CDHR3: variants seen among roughly 807,000 people sequenced by gnomAD.
CDHR3 encodes cadherin related family member 3.
In CDHR3, 79 loss-of-function variants were observed where a neutral mutation model predicts 86.6. That is an observed-to-expected ratio of 0.91 (90% confidence interval 0.76 to 1.10). The LOEUF is 1.10. Ranked by LOEUF, CDHR3 falls within the 50% of genes least tolerant of loss-of-function variation. The pLI is 0.00. For synonymous variants in CDHR3, 421 were observed against 402.4 expected, an observed-to-expected ratio of 1.05 and a Z score of -0.55; for missense variants, 1,081 against 1,077.6, an observed-to-expected ratio of 1.00 and a Z score of -0.04.
intron 4 of CDHR3, 95 bp from the exon 5 acceptor site, chr7:105,994,656 G>A: frequency 1.2e-6 from 1 of 860,034 alleles, no homozygotes; most frequent in East Asian, 2.6e-5. Context: ...CGTTCCATGG[G>A]CTAAGAACAT....
intron 1 of CDHR3, 29 bp from the exon 2 acceptor site, chr7:105,974,815 T>C: frequency 6.3e-7 from 1 of 1,586,256 alleles, no homozygotes; most frequent in Non-Finnish European, 8.6e-7. Flanking sequence ...TTTGTGTTCA[T>C]GTCATCCTGC....
chr7:105,969,074 C>T (rs1360906497), intron 1 of CDHR3, among the ~76,000 whole-genome samples: 2 of 143,324 alleles, frequency 1.4e-5, no homozygotes, highest in Non-Finnish European at 3.0e-5. Flanking sequence ...GGGGACAGAG[C>T]GAGACTCCGT....
Position 106,018,051 on chromosome 7 carries a change from C to T in CDHR3, c.1632C>T (p.Asn544=), listed in dbSNP as rs753984467. The T allele has an allele frequency of 5.0e-6, 8 of 1,613,656 alleles. No individual in the cohort carries two copies. The highest frequency in any genetic ancestry group is 5.9e-6 in the Non-Finnish European group (7 of 1,179,798). ...TTCTCAGAATCCAGGCCACCAACAA[C>T]GAAGACACAAGCTCTGTCACTGTGA... The part of the protein sequence containing the change: ...IYILRIQATN[N]EDTSSVTVTV... The change falls in exon 12 of 19, where the codon AAC becomes AAT. Residue 544 remains asparagine, a synonymous_variant. Coordinates refer to ENST00000317716, the MANE Select transcript of CDHR3 (RefSeq NM_152750.5).
intron 2 of CDHR3, 74 bp downstream of exon 2, chr7:105,975,120 A>G (rs1246862402): frequency 4.1e-6 from 5 of 1,218,850 alleles, no homozygotes; most frequent in African/African-American, 1.5e-5. Flanking sequence ...ATGGGATGCC[A>G]GATCAGTGAT....
At chr7:106,003,665 G>T (rs1833520651) in intron 7 of CDHR3, among the ~76,000 whole-genome samples, 1 of 152,098 alleles carries the variant, frequency 6.6e-6, no homozygotes, top group Non-Finnish European at 1.5e-5. Flanking sequence ...ACCTTTATAA[G>T]TCCTGATTGC....
intron 17 of CDHR3, among the ~76,000 whole-genome samples, chr7:106,029,566 C>CAA (rs1838021429): frequency 6.6e-6 from 1 of 152,002 alleles, no homozygotes; most frequent in Admixed American, 6.6e-5. Flanking sequence ...CTCTCTCTCT[C>CAA]TCTCTCTCTC....
chr7:105,991,217 A>C (rs1252512704), intron 4 of CDHR3, among the ~76,000 whole-genome samples: 2 of 152,218 alleles, frequency 1.3e-5, no homozygotes, highest in Non-Finnish European at 2.9e-5. Flanking sequence ...GCCTTTAAAA[A>C]GGGGGAGAAA....
chr7:105,985,943 AG>A (rs1830459945), intron 4 of CDHR3, among the ~76,000 whole-genome samples: 1 of 152,218 alleles, frequency 6.6e-6, no homozygotes, highest in Non-Finnish European at 1.5e-5. Flanking sequence ...TGCTACCATC[AG>A]GAGCCTGGGC....
At chr7:105,980,623 A>ATTTTTTTTTTTTTTTT (rs55880404) in intron 2 of CDHR3, among the ~76,000 whole-genome samples, 4 of 108,152 alleles carry the variant, frequency 3.7e-5, no homozygotes, top group African/African-American at 3.8e-5. Context: ...TTTTTTTTTA[A>ATTTTTTTTTTTTTTTT]TTTTTTTTTT....
chr7:106,004,958 G>C (rs1043885068), intron 8 of CDHR3: 17 of 435,722 alleles, frequency 3.9e-5, no homozygotes, highest in African/African-American at 3.5e-4. Context: ...TCTATATCTG[G>C]CTCATCTCTG....
Position 105,986,468 on chromosome 7 carries a change from G to A in CDHR3, c.513+2179G>A, listed in dbSNP as rs189373892. On this transcript the variant is annotated intron_variant, in intron 4 of 18. Transcript: ENST00000317716. ...AACAGCTTTTCCTCACTTGTCAAAA[G>A]GTTTACAGCTGACACTCCTATAACA... Among the ~76,000 whole-genome samples, 29 of 152,246 alleles carry A rather than the reference G, an allele frequency of 1.9e-4. No individual in the cohort carries two copies. The East Asian group carries it at 5.6e-3, about 29-fold the overall frequency.
At chr7:105,984,351 C>A in intron 4 of CDHR3, 62 bp downstream of exon 4, 1 of 1,312,632 alleles carries the variant, frequency 7.6e-7, no homozygotes, top group Non-Finnish European at 1.1e-6. Context: ...CAGGAGCCTG[C>A]TGTCCTGAGT....
chr7:105,992,956 T>C (rs1831583901), intron 4 of CDHR3, among the ~76,000 whole-genome samples: 1 of 152,264 alleles, frequency 6.6e-6, no homozygotes, highest in Non-Finnish European at 1.5e-5. Flanking sequence ...AAACGTTATA[T>C]TGGCCTCAAA....
At chr7:106,019,912 A>G (rs1408186838) in intron 12 of CDHR3, among the ~76,000 whole-genome samples, 2 of 152,224 alleles carry the variant, frequency 1.3e-5, no homozygotes, top group Non-Finnish European at 2.9e-5. Flanking sequence ...CATATGCCAG[A>G]GTTAAAGAAG....
At chr7:106,024,680 G>A in intron 15 of CDHR3, 118 bp downstream of exon 15, 1 of 1,052,966 alleles carries the variant, frequency 9.5e-7, no homozygotes, top group Non-Finnish European at 1.4e-6. Context: ...GTTGCCTGGA[G>A]TGAAGGCAGG....
In CDHR3 at chr7:105,994,961, A is replaced by G. The variant is rs376258991; in HGVS notation, c.608+116A>G. ...CTGGGGGGAGCCCCTTGAGCAGTCT[A>G]CAGCGTCATTGTAAGTTCAGATGGT... On this transcript the variant is annotated intron_variant, in intron 5 of 18. Coordinates refer to ENST00000317716, the MANE Select transcript of CDHR3 (RefSeq NM_152750.5). The G allele has an allele frequency of 1.2e-5, 9 of 768,580 alleles. No homozygotes were observed. The East Asian group carries it at 1.4e-4, about 12-fold the overall frequency. 47.6% of individuals were successfully genotyped at this position (768,580 alleles called of 1,614,324 possible).
intron 2 of CDHR3, among the ~76,000 whole-genome samples, chr7:105,980,585 G>GTTTTTTTTTTTTT (rs56057580): frequency 6.6e-5 from 7 of 105,510 alleles, no homozygotes; most frequent in East Asian, 2.8e-4. Context: ...GTAGTGGAAG[G>GTTTTTTTTTTTTT]TTTTTTTTTT....
At chr7:106,009,732 G>A (rs1834497417) in intron 8 of CDHR3, among the ~76,000 whole-genome samples, 1 of 152,208 alleles carries the variant, frequency 6.6e-6, no homozygotes, top group South Asian at 2.1e-4. Flanking sequence ...TTCCCAGGCT[G>A]ATGATGAATG....
At chr7:106,003,191 C>T (rs1833463769) in intron 7 of CDHR3, among the ~76,000 whole-genome samples, 2 of 151,220 alleles carry the variant, frequency 1.3e-5, no homozygotes, top group Admixed American at 6.6e-5. Context: ...TCTTTGGTAC[C>T]GAGTCTTGGA....
Sources: allele counts gnomAD v4.1 joint callset (sites outside exome capture counted in the v4.1 genomes callset), GRCh38; gene constraint gnomAD v4.1.1; transcripts MANE v1.5; gene names NCBI Gene and HGNC (gene_info 2026-07-23, HGNC 2026-07-21).